The following ARHGEF7 variants were observed in gnomAD, a reference collection of about 807,000 sequenced individuals.
The protein encoded by ARHGEF7 is Rho guanine nucleotide exchange factor 7.
A neutral mutation model predicts 109.8 loss-of-function variants in ARHGEF7; 33 were observed. The ratio of observed to expected loss-of-function variants is 0.30; its 90% confidence interval spans 0.23 to 0.40. The LOEUF (loss-of-function observed/expected upper bound fraction) is 0.40. Ranked by LOEUF, ARHGEF7 falls within the 10% of genes least tolerant of loss-of-function variation. The pLI is 1.00. For synonymous variants in ARHGEF7, 458 were observed against 424.6 expected, an observed-to-expected ratio of 1.08 and a Z score of -0.97; for missense variants, 938 against 1,098.5, an observed-to-expected ratio of 0.85 and a Z score of 2.07.
chr13:111,239,394 C>T lies in ARHGEF7; in HGVS notation c.760-4478C>T, dbSNP rs1463968873. On this transcript the variant is annotated intron_variant, in intron 6 of 21. Coordinates refer to ENST00000646102, the MANE Select transcript of ARHGEF7 (RefSeq NM_001354046.2). The surrounding 1 kb of genome is among the most constrained non-coding windows in gnomAD (Gnocchi z 4.3). ...GGCCTTTCCTGTGCTCCAGAGAAGC[C>T]GCACACCTGTCTTTTCCTCCCTGCT... Among the ~76,000 whole-genome samples the T allele has an allele frequency of 1.3e-5, 2 of 152,144 alleles. No individual in the cohort carries two copies. Among genetic ancestry groups the T allele is most frequent in the African/African-American group, 4.8e-5 (2 of 41,430 alleles).
chr13:111,242,798 G>A (rs1018723095), intron 6 of ARHGEF7, among the ~76,000 whole-genome samples: 1 of 152,340 alleles, frequency 6.6e-6, no homozygotes, highest in East Asian at 1.9e-4. Context: ...GCTTCTCTAA[G>A]AGGAAAAGTT....
intron 1 of ARHGEF7, chr13:111,153,685 G>A (rs2076046068): frequency 7.9e-7 from 1 of 1,272,376 alleles, no homozygotes; most frequent in Non-Finnish European, 9.9e-7. Flanking sequence ...TGCGGGAAGG[G>A]GCAGAGATTG....
chr13:111,195,010 C>T lies in ARHGEF7; in HGVS notation c.253-10279C>T, dbSNP rs145510124. Among the ~76,000 whole-genome samples the T allele has an allele frequency of 6.5e-3, 989 of 152,328 alleles. 7 individuals are homozygous for T. The highest frequency in any genetic ancestry group is 0.022 in the African/African-American group (932 of 41,566). On this transcript the variant is annotated intron_variant, in intron 2 of 21. Transcript: ENST00000646102. ...AAGGTCTTGCACTAGTCTCCACTGACGATTGGGTTTTTGTACCCCTAGAAT... is the reference window on the plus strand; with the variant it reads ...AAGGTCTTGCACTAGTCTCCACTGATGATTGGGTTTTTGTACCCCTAGAAT...
rs149394543 is a variant in ARHGEF7 at position 111,159,883 on chromosome 13, CCT to C, written c.252+5895_252+5896del. On this transcript the variant is annotated intron_variant, in intron 2 of 21. Coordinates refer to ENST00000646102, the MANE Select transcript of ARHGEF7 (RefSeq NM_001354046.2). Reference sequence around the variant, plus strand: ...TGAAATCCCATTTATCTTATTTTTGCCTCTGTTTTCGGTGCTTTTGGGGTCAT... The same window carrying C: ...TGAAATCCCATTTATCTTATTTTTGCCTGTTTTCGGTGCTTTTGGGGTCAT... 9.0e-3 allele frequency among the ~76,000 whole-genome samples: 1,376 copies of C among 152,098 alleles called. 20 individuals carry two copies. Among genetic ancestry groups the C allele is most frequent in the African/African-American group, 0.031 (1,301 of 41,504 alleles).
At chr13:111,143,841 C>G (rs1283637546) in intron 1 of ARHGEF7, 1 of 152,258 alleles carries the variant, frequency 6.6e-6, no homozygotes, top group Admixed American at 6.5e-5. Flanking sequence ...CCAGCTCACT[C>G]TCATTCAACA....
At chr13:111,209,660 C>T (rs948203125) in intron 3 of ARHGEF7, among the ~76,000 whole-genome samples, 2 of 152,172 alleles carry the variant, frequency 1.3e-5, no homozygotes, top group Admixed American at 1.3e-4. Flanking sequence ...TAGTTATCTC[C>T]AGATAATTTC....
At chr13:111,245,426 G>T (rs2088644498) in intron 8 of ARHGEF7, among the ~76,000 whole-genome samples, 1 of 152,138 alleles carries the variant, frequency 6.6e-6, no homozygotes, top group South Asian at 2.1e-4. Context: ...TCAAGATGAT[G>T]ATTTTTTTGA....
intron 19 of ARHGEF7, among the ~76,000 whole-genome samples, chr13:111,299,343 T>C (rs1374288421): frequency 2.1e-5 from 3 of 142,432 alleles, no homozygotes; most frequent in Non-Finnish European, 3.1e-5. Context: ...ATTCATTTTT[T>C]TTTTTTTTTT....
intron 21 of ARHGEF7, among the ~76,000 whole-genome samples, chr13:111,302,789 A>G (rs76682446): frequency 0.024 from 3,659 of 152,294 alleles, 154 homozygotes; most frequent in African/African-American, 0.085. Context: ...CATCCCGGGA[A>G]CAGCAGCACA....
intron 18 of ARHGEF7, among the ~76,000 whole-genome samples, chr13:111,289,369 G>A (rs2093171963): frequency 6.6e-6 from 1 of 152,128 alleles, no homozygotes; most frequent in African/African-American, 2.4e-5. Flanking sequence ...TTTTCCTCCG[G>A]TGTTGCCAGT....
chr13:111,292,457 T>C (rs2093319133), intron 19 of ARHGEF7, 163 bp downstream of exon 19: 1 of 1,447,822 alleles, frequency 6.9e-7, no homozygotes, highest in South Asian at 1.5e-5. Context: ...GTTCCTGATA[T>C]TTCCCATTGT....
chr13:111,156,838 CT>C (rs2153383816), intron 2 of ARHGEF7, among the ~76,000 whole-genome samples: 1 of 152,338 alleles, frequency 6.6e-6, no homozygotes, highest in South Asian at 2.1e-4. Context: ...AAACTAATAG[CT>C]TAAATTCTAG....
At chr13:111,138,456 G>A (rs1309610034) in intron 1 of ARHGEF7, among the ~76,000 whole-genome samples, 4 of 152,174 alleles carry the variant, frequency 2.6e-5, no homozygotes, top group Admixed American at 2.6e-4. Flanking sequence ...CCTCCAGCCT[G>A]GATGACAGAG....
rs532875551 is a variant in ARHGEF7, at chr13:111,295,584, A to T, written c.2311+3290A>T. Among the ~76,000 whole-genome samples the T allele has an allele frequency of 9.0e-3, 1,368 of 152,336 alleles. 21 individuals are homozygous for T. Among genetic ancestry groups the T allele is most frequent in the African/African-American group, 0.031 (1,294 of 41,558 alleles). Reference sequence around the variant, plus strand: ...AAAGTGCTTATCCAGCTAAGAGAGTAATGAAGCAAAATAAAGGGAAAGGAA... The same window carrying T: ...AAAGTGCTTATCCAGCTAAGAGAGTTATGAAGCAAAATAAAGGGAAAGGAA... On this transcript the variant is annotated intron_variant, in intron 19 of 21. Transcript: ENST00000646102.
At chr13:111,237,138 A>AGTTTAATATATTCCTTGCCTC (rs1212811483) in intron 6 of ARHGEF7, among the ~76,000 whole-genome samples, 14 of 152,348 alleles carry the variant, frequency 9.2e-5, no homozygotes, top group African/African-American at 3.1e-4. Context: ...ACCTAATGAG[A>AGTTTAATATATTCCTTGCCTC]GTTTAATATA....
intron 13 of ARHGEF7, among the ~76,000 whole-genome samples, chr13:111,278,445 C>G (rs761758058): frequency 2.0e-5 from 3 of 152,168 alleles, no homozygotes; most frequent in African/African-American, 7.2e-5. Flanking sequence ...CATTGTAGCA[C>G]GTGTTGTTTT....
rs921733427 is a variant in ARHGEF7 at position 111,304,667 on chromosome 13, TAC to T, written c.*1556_*1557del. Reference sequence around the variant, plus strand: ...ACGGTTCTTCCTTGCCCTTGCTAATTACAGTCTCTGGTGCCCAGCAAGCCCCT... The same window carrying T: ...ACGGTTCTTCCTTGCCCTTGCTAATTAGTCTCTGGTGCCCAGCAAGCCCCT... On this transcript the variant is annotated 3_prime_UTR_variant, in exon 22 of 22. Transcript: ENST00000646102. 1 of 152,240 alleles carries T rather than the reference TAC, an allele frequency of 6.6e-6. No homozygotes were observed. The highest frequency in any genetic ancestry group is 2.1e-4 in the South Asian group (1 of 4,826). The allele number at this position is 152,240 out of a possible 1,614,324, so 9.4% of individuals were successfully genotyped here. A position where few individuals can be genotyped will look rare whatever the true frequency, so the allele number is the denominator to read the frequency against.
chr13:111,155,841 C>T (rs537226357), intron 2 of ARHGEF7, among the ~76,000 whole-genome samples: 21 of 152,086 alleles, frequency 1.4e-4, no homozygotes, highest in South Asian at 1.2e-3. Context: ...TTTGGGAGGC[C>T]GAGGCGGGTG....
At chr13:111,286,748 G>A (rs1567089992) in intron 17 of ARHGEF7, among the ~76,000 whole-genome samples, 2 of 152,166 alleles carry the variant, frequency 1.3e-5, no homozygotes, top group African/African-American at 2.4e-5. Context: ...ATGTGGCCTC[G>A]CAGCAAGCAC....
Sources: allele counts gnomAD v4.1 joint callset (sites outside exome capture counted in the v4.1 genomes callset), GRCh38; gene constraint gnomAD v4.1.1; non-coding constraint Gnocchi (gnomAD v3.1); transcripts MANE v1.5; gene names NCBI Gene and HGNC (gene_info 2026-07-23, HGNC 2026-07-21).